Variants in PCDHA11 observed in about 807,000 individuals in gnomAD.
The protein encoded by PCDHA11 is protocadherin alpha-11.
A neutral mutation model predicts 70.3 loss-of-function variants in PCDHA11; 61 were observed. The ratio of observed to expected loss-of-function variants is 0.87; its 90% confidence interval spans 0.71 to 1.07. The LOEUF (loss-of-function observed/expected upper bound fraction) is 1.07. Ranked by LOEUF, PCDHA11 falls within the 50% of genes least tolerant of loss-of-function variation. PCDHA11 has a pLI of 0.00. For missense variants in PCDHA11, 1,324 were observed against 1,237.5 expected (o/e 1.07, Z -1.05); for synonymous variants, 633 against 555.1 (o/e 1.14, Z -1.97).
At chr5:140,968,165 C>T in intron 1 of PCDHA11, 6 of 1,614,120 alleles carry the variant, frequency 3.7e-6, no homozygotes, top group African/African-American at 1.3e-5. Flanking sequence ...TGACAATCCA[C>T]CAAGCTTCCT....
intron 3 of PCDHA11, chr5:140,989,000 GAGACTTATTAT>G (rs2097324899): frequency 6.6e-6 from 1 of 152,202 alleles, no homozygotes; most frequent in Non-Finnish European, 1.5e-5. Flanking sequence ...TAAGGAAATA[GAGACTTATTAT>G]AGTTTCTTCA....
intron 1 of PCDHA11, among the ~76,000 whole-genome samples, chr5:140,913,961 A>T (rs909283613): frequency 2.0e-5 from 3 of 149,744 alleles, no homozygotes; most frequent in South Asian, 2.1e-4. Context: ...TATCATTTTT[A>T]AAAAAATATT....
At chr5:141,006,755 A>G (rs1554260896) in intron 3 of PCDHA11, among the ~76,000 whole-genome samples, 1 of 152,190 alleles carries the variant, frequency 6.6e-6, no homozygotes, top group East Asian at 1.9e-4. Flanking sequence ...TAAATGGAGA[A>G]TGAAGAATAG....
chr5:140,904,225 T>A (rs782022279), intron 1 of PCDHA11, among the ~76,000 whole-genome samples: 5 of 152,020 alleles, frequency 3.3e-5, no homozygotes, highest in Non-Finnish European at 5.9e-5. Context: ...CATTGTATTA[T>A]ACTTATGCCT....
intron 1 of PCDHA11, among the ~76,000 whole-genome samples, chr5:140,894,823 A>G (rs933081275): frequency 2.0e-5 from 3 of 152,080 alleles, no homozygotes; most frequent in Non-Finnish European, 2.9e-5. Context: ...AGATTTGCCC[A>G]TAATCCTTTT....
intron 1 of PCDHA11, chr5:140,877,927 A>C: frequency 7.1e-7 from 1 of 1,416,192 alleles, no homozygotes; most frequent in South Asian, 1.6e-5. Flanking sequence ...TTTCTTTATG[A>C]TTCTATCCTT....
Position 140,869,200 on chromosome 5 carries a change from T to C in PCDHA11, c.97T>C (p.Tyr33His). Residue 33 changes from tyrosine to histidine, a missense_variant, in exon 1 of 4, where the codon TAC becomes CAC. Tyr to His is a moderately conservative substitution (Grantham distance 83, BLOSUM62 2). Coordinates refer to ENST00000398640, the MANE Select transcript of PCDHA11 (RefSeq NM_018902.5). ...FWEVGSGQLH[Y>H]SVSEEAKHGT... is the part of the protein sequence containing the mutation. ...GGAGGTGGGGAGCGGCCAGCTCCAC[T>C]ACTCCGTCTCGGAGGAGGCCAAACA... The C allele has an allele frequency of 6.2e-7, 1 of 1,614,000 alleles. No homozygotes were observed. Among genetic ancestry groups the C allele is most frequent in the East Asian group, 2.2e-5 (1 of 44,884 alleles).
At chr5:140,982,273 A>G (rs1554243953) in intron 2 of PCDHA11, 2 of 943,086 alleles carry the variant, frequency 2.1e-6, no homozygotes, top group Non-Finnish European at 3.0e-6. Context: ...CTGGAATAGT[A>G]TAGCAGGCAA....
intron 1 of PCDHA11, among the ~76,000 whole-genome samples, chr5:140,934,465 A>G (rs1313806464): frequency 1.3e-5 from 2 of 152,152 alleles, no homozygotes; most frequent in African/African-American, 4.8e-5. Context: ...ATGTTTTAAC[A>G]TTATTTTGAA....
chr5:140,992,097 A>G (rs1466699064), intron 3 of PCDHA11, among the ~76,000 whole-genome samples: 7 of 151,212 alleles, frequency 4.6e-5, no homozygotes, highest in Non-Finnish European at 1.0e-4. Flanking sequence ...GAGAAAGAGA[A>G]TTAAGGTGAG....
chr5:140,871,966 C>G (rs1210672603), intron 1 of PCDHA11, among the ~76,000 whole-genome samples: 2 of 152,204 alleles, frequency 1.3e-5, no homozygotes, highest in African/African-American at 4.8e-5. Context: ...AGGAGGTCTT[C>G]CTATGATGTC....
chr5:140,875,771 C>T lies in PCDHA11; in HGVS notation c.2391+4277C>T, dbSNP rs182160950. 7,595 of 1,614,196 alleles carry T rather than the reference C, an allele frequency of 4.7e-3. 28 individuals carry two copies. Among genetic ancestry groups the T allele is most frequent in the Middle Eastern group, 6.4e-3 (39 of 6,062 alleles). ...CGCGAGAAGCTGTGCGGGCGGAGCG[C>T]GGAGTGCAGTATCCACCTGGAGGTG... On this transcript the variant is annotated intron_variant, in intron 1 of 3. Transcript: ENST00000398640.
rs1172235906 is a variant in PCDHA11, at chr5:140,871,551, C to T, written c.2391+57C>T. 10 of 1,494,576 alleles carry T rather than the reference C, an allele frequency of 6.7e-6. No homozygotes were observed. The Admixed American group carries it at 2.5e-4, about 38-fold the overall frequency. 92.6% of individuals were successfully genotyped at this position (1,494,576 alleles called of 1,614,324 possible). ...AGTGTATGTGAAATTATTTAAAATC[C>T]AGTTTTTTTTCACGGATTTTTTAAG... On this transcript the variant is annotated intron_variant, in intron 1 of 3. Transcript: ENST00000398640.
At chr5:140,967,783 C>T (rs1554229939) in intron 1 of PCDHA11, 1 of 1,614,186 alleles carries the variant, frequency 6.2e-7, no homozygotes, top group Admixed American at 1.7e-5. Flanking sequence ...AGGCGACTGA[C>T]CGGGGTCCAG....
chr5:140,895,428 C>A (rs2065003978), intron 1 of PCDHA11, among the ~76,000 whole-genome samples: 1 of 152,154 alleles, frequency 6.6e-6, no homozygotes, highest in Non-Finnish European at 1.5e-5. Flanking sequence ...TTTGCTTCCT[C>A]CTGAGACTCT....
At chr5:140,892,405 T>C (rs1224393895) in intron 1 of PCDHA11, among the ~76,000 whole-genome samples, 2 of 152,206 alleles carry the variant, frequency 1.3e-5, no homozygotes, top group African/African-American at 2.4e-5. Context: ...ATTTCAAGCT[T>C]CAGGTATTCT....
chr5:140,996,976 G>T (rs573896136), intron 3 of PCDHA11, among the ~76,000 whole-genome samples: 1 of 151,960 alleles, frequency 6.6e-6, no homozygotes, highest in Non-Finnish European at 1.5e-5. Context: ...CTCCCCTTTG[G>T]TGAAGCAACC....
chr5:140,973,481 G>A (rs537904841), intron 1 of PCDHA11, among the ~76,000 whole-genome samples: 2 of 152,208 alleles, frequency 1.3e-5, no homozygotes, highest in East Asian at 3.9e-4. Context: ...ATTTCATATT[G>A]GTCACAGGAC....
At chr5:140,876,483 G>T (rs373900620) in intron 1 of PCDHA11, 1 of 1,614,004 alleles carries the variant, frequency 6.2e-7, no homozygotes, top group Non-Finnish European at 8.5e-7. Flanking sequence ...GCATGGTCCT[G>T]GTGGAAGTTC....
Sources: gnomAD v4.1 joint callset for allele counts (sites outside exome capture counted in the v4.1 genomes callset) on GRCh38, gnomAD v4.1.1 for gene constraint, MANE v1.5 for transcripts, NCBI Gene and HGNC (gene_info 2026-07-23, HGNC 2026-07-21) for gene names.